The following ARHGAP24 variants were observed in gnomAD, a reference collection of about 807,000 sequenced individuals.
ARHGAP24 encodes Rho GTPase activating protein 24.
In ARHGAP24, 50 loss-of-function variants were observed where a neutral mutation model predicts 76.4. That is an observed-to-expected ratio of 0.65 (90% confidence interval 0.52 to 0.83). ARHGAP24 has a LOEUF of 0.83. Ranked by LOEUF, ARHGAP24 falls within the 40% of genes least tolerant of loss-of-function variation. The pLI, the probability that ARHGAP24 is intolerant of heterozygous loss-of-function variation, is 0.00. For missense variants in ARHGAP24, 930 were observed against 914.2 expected (o/e 1.02, Z -0.22); for synonymous variants, 345 against 323.3 (o/e 1.07, Z -0.72).
intron 3 of ARHGAP24, among the ~76,000 whole-genome samples, chr4:85,772,224 T>C (rs959380648): frequency 6.6e-6 from 1 of 152,152 alleles, no homozygotes; most frequent in Non-Finnish European, 1.5e-5. Flanking sequence ...TCCCACTTCA[T>C]AGGTAGGGTG....
intron 2 of ARHGAP24, among the ~76,000 whole-genome samples, chr4:85,705,692 A>G (rs1035196480): frequency 4.6e-5 from 7 of 152,208 alleles, no homozygotes; most frequent in Non-Finnish European, 1.0e-4. Flanking sequence ...TGAGGCAGAG[A>G]GAAGGTCAGG....
At chr4:85,931,376 C>T (rs1353048241) in intron 4 of ARHGAP24, among the ~76,000 whole-genome samples, 1 of 152,118 alleles carries the variant, frequency 6.6e-6, no homozygotes, top group Non-Finnish European at 1.5e-5. Context: ...AGACCCAAAT[C>T]AAGCAGCCAT....
At chr4:85,920,293 T>C (rs1446462770) in intron 3 of ARHGAP24, among the ~76,000 whole-genome samples, 1 of 152,190 alleles carries the variant, frequency 6.6e-6, no homozygotes, top group Admixed American at 6.5e-5. Flanking sequence ...TCACAAAAAT[T>C]GACTAAGTAT....
intron 3 of ARHGAP24, among the ~76,000 whole-genome samples, chr4:85,780,371 A>C (rs1181009259): frequency 6.6e-6 from 1 of 151,982 alleles, no homozygotes; most frequent in Admixed American, 6.6e-5. Context: ...ATGGGGTTTC[A>C]CCATGTTGGC....
At chr4:85,516,716 T>TGACA (rs1724521166) in intron 1 of ARHGAP24, among the ~76,000 whole-genome samples, 2 of 151,984 alleles carry the variant, frequency 1.3e-5, no homozygotes, top group Non-Finnish European at 2.9e-5. Context: ...GGATACATGT[T>TGACA]GCAGATGTTT....
chr4:85,852,571 C>A (rs1367021128), intron 3 of ARHGAP24, among the ~76,000 whole-genome samples: 2 of 152,220 alleles, frequency 1.3e-5, no homozygotes, highest in Non-Finnish European at 2.9e-5. Flanking sequence ...TCTGGTTTCT[C>A]CCCATCTTTG....
At chr4:85,517,021 C>T (rs1301878694) in intron 1 of ARHGAP24, among the ~76,000 whole-genome samples, 1 of 151,950 alleles carries the variant, frequency 6.6e-6, no homozygotes, top group Non-Finnish European at 1.5e-5. Flanking sequence ...CTCAGTTTTC[C>T]ATCTCTCCTT....
intron 2 of ARHGAP24, among the ~76,000 whole-genome samples, chr4:85,685,789 T>C (rs1723400716): frequency 6.6e-6 from 1 of 152,244 alleles, no homozygotes; most frequent in Non-Finnish European, 1.5e-5. Flanking sequence ...CATAGCAAAC[T>C]ATCCCAAAAC....
chr4:85,936,066 C>A (rs1173572649), intron 4 of ARHGAP24, among the ~76,000 whole-genome samples: 2 of 152,016 alleles, frequency 1.3e-5, no homozygotes, highest in African/African-American at 4.8e-5. Context: ...TTTGATTTGC[C>A]CATTTGCTAT....
At chr4:85,534,538 G>C (rs777829821) in intron 1 of ARHGAP24, among the ~76,000 whole-genome samples, 4 of 152,146 alleles carry the variant, frequency 2.6e-5, no homozygotes, top group African/African-American at 9.7e-5. Flanking sequence ...TGTTGGTTGG[G>C]GGAGAAGGCA....
intron 4 of ARHGAP24, among the ~76,000 whole-genome samples, chr4:85,932,231 A>G (rs1736374858): frequency 2.6e-5 from 4 of 151,904 alleles, no homozygotes; most frequent in Admixed American, 2.6e-4. Flanking sequence ...TGAATACCAT[A>G]GGATTGCATC....
chr4:85,822,766 C>G (rs1231504882), intron 3 of ARHGAP24, among the ~76,000 whole-genome samples: 1 of 152,086 alleles, frequency 6.6e-6, no homozygotes, highest in Non-Finnish European at 1.5e-5. Flanking sequence ...CATATCTATT[C>G]TCTTTATATT....
At chr4:85,648,792 A>G (rs1481397311) in intron 2 of ARHGAP24, among the ~76,000 whole-genome samples, 2 of 151,900 alleles carry the variant, frequency 1.3e-5, no homozygotes, top group African/African-American at 4.8e-5. Context: ...AAATAGCTTT[A>G]TTTTTCTTTC....
intron 2 of ARHGAP24, among the ~76,000 whole-genome samples, chr4:85,619,987 C>T (rs1013610908): frequency 2.6e-5 from 4 of 151,830 alleles, no homozygotes; most frequent in Admixed American, 2.6e-4. Flanking sequence ...TACTTCAGAC[C>T]ATCCTTGAAT....
chr4:85,977,798 T>G lies in ARHGAP24; in HGVS notation c.928+107T>G, dbSNP rs1307825189. The G allele has an allele frequency of 2.3e-6, 3 of 1,321,576 alleles. No homozygotes were observed. The African/African-American group carries it at 4.4e-5, about 19-fold the overall frequency. 81.9% of individuals were successfully genotyped at this position (1,321,576 alleles called of 1,614,324 possible). ...CAAACCAAGGTAATAAGTGAATACA[T>G]GGCAACTCCGTTTATTAACTGAAGT... On this transcript the variant is annotated intron_variant, in intron 8 of 9. Coordinates refer to ENST00000395184, the MANE Select transcript of ARHGAP24 (RefSeq NM_001025616.3).
At chr4:85,622,402 C>T (rs957722870) in intron 2 of ARHGAP24, among the ~76,000 whole-genome samples, 2 of 151,916 alleles carry the variant, frequency 1.3e-5, no homozygotes, top group Admixed American at 6.6e-5. Context: ...CAGTTTCATC[C>T]ATGTCCCTGC....
At chr4:85,507,605 C>A (rs1433954520) in intron 1 of ARHGAP24, among the ~76,000 whole-genome samples, 1 of 152,086 alleles carries the variant, frequency 6.6e-6, no homozygotes, top group African/African-American at 2.4e-5. Flanking sequence ...TTGTGGGTAG[C>A]AAAAGACCCT....
chr4:85,986,581 T>A (rs1030883548), intron 8 of ARHGAP24, among the ~76,000 whole-genome samples: 1 of 151,532 alleles, frequency 6.6e-6, no homozygotes, highest in Non-Finnish European at 1.5e-5. Context: ...CTGAAGAGAG[T>A]AAGGTCAGAC....
chr4:85,872,724 A>G (rs1013652418), intron 3 of ARHGAP24, among the ~76,000 whole-genome samples: 3 of 147,276 alleles, frequency 2.0e-5, no homozygotes, highest in South Asian at 4.4e-4. Flanking sequence ...CAGCCACCCA[A>G]ATAGCTGGGA....
Sources: allele counts gnomAD v4.1 joint callset (sites outside exome capture counted in the v4.1 genomes callset), GRCh38; gene constraint gnomAD v4.1.1; transcripts MANE v1.5; gene names NCBI Gene and HGNC (gene_info 2026-07-23, HGNC 2026-07-21).